The following ZMYND8 variants were observed in gnomAD, a reference collection of about 807,000 sequenced individuals.
ZMYND8 encodes MYND-type zinc finger-containing chromatin reader ZMYND8.
ZMYND8 carries 37 observed loss-of-function variants against 140.8 expected under a neutral mutation model. That is an observed-to-expected ratio of 0.26 (90% CI 0.20 to 0.35). ZMYND8 has a LOEUF of 0.35. Ranked by LOEUF, ZMYND8 falls within the 10% of genes least tolerant of loss-of-function variation. The probability of loss-of-function intolerance (pLI) is 1.00; values close to 1 mark genes in which losing one functional copy is unlikely to be tolerated. For missense variants in ZMYND8, 1,068 were observed against 1,570.0 expected (o/e 0.68, Z 5.40); for synonymous variants, 592 against 597.1 (o/e 0.99, Z 0.12).
At chr20:47,239,633 A>G (rs971889099) in intron 14 of ZMYND8, among the ~76,000 whole-genome samples, 2 of 152,244 alleles carry the variant, frequency 1.3e-5, no homozygotes, top group African/African-American at 4.8e-5. Flanking sequence ...CAATGGCCAA[A>G]GCAGTAACAC....
intron 11 of ZMYND8, among the ~76,000 whole-genome samples, chr20:47,272,771 A>G (rs975784318): frequency 6.6e-6 from 1 of 152,214 alleles, no homozygotes. Context: ...GTTTTATGCA[A>G]TAACATTTCA....
At chr20:47,228,851 C>T (rs1214412699) in intron 17 of ZMYND8, among the ~76,000 whole-genome samples, 1 of 152,178 alleles carries the variant, frequency 6.6e-6, no homozygotes, top group Non-Finnish European at 1.5e-5. Context: ...ACCTGATAAC[C>T]CGTTTGCATC....
chr20:47,286,027 C>CA (rs1049423800), intron 8 of ZMYND8, among the ~76,000 whole-genome samples: 70 of 151,182 alleles, frequency 4.6e-4, no homozygotes, highest in Non-Finnish European at 7.2e-4. Context: ...CCCATTTCTA[C>CA]AAAAAAAATA....
intron 2 of ZMYND8, among the ~76,000 whole-genome samples, chr20:47,321,856 C>CTTTTTTTTTT (rs60425976): frequency 8.1e-6 from 1 of 123,480 alleles, no homozygotes; most frequent in African/African-American, 3.3e-5. Context: ...ACTCGCCGCC[C>CTTTTTTTTTT]TTTTTTTTTT....
chr20:47,274,274 TAGGAA>T (rs1465047641), intron 11 of ZMYND8, among the ~76,000 whole-genome samples: 1 of 152,188 alleles, frequency 6.6e-6, no homozygotes, highest in Non-Finnish European at 1.5e-5. Context: ...TCACATATAT[TAGGAA>T]AAGCCACAAC....
chr20:47,246,620 C>T, intron 13 of ZMYND8, 103 bp from the exon 14 acceptor site: 1 of 1,460,200 alleles, frequency 6.8e-7, no homozygotes, highest in Non-Finnish European at 9.0e-7. Flanking sequence ...ATAAGAAAAG[C>T]ACGTTTCAAA....
intron 22 of ZMYND8, among the ~76,000 whole-genome samples, chr20:47,211,338 GTATAGGCAAC>G (rs2035228079): frequency 6.6e-6 from 1 of 152,130 alleles, no homozygotes; most frequent in Admixed American, 6.5e-5. Flanking sequence ...TTTTATCAAT[GTATAGGCAAC>G]TTGAAAAATG....
chr20:47,276,290 C>A, intron 11 of ZMYND8, 24 bp downstream of exon 11: 1 of 1,503,132 alleles, frequency 6.7e-7, no homozygotes, highest in South Asian at 1.3e-5. Flanking sequence ...GGGCCTCCTC[C>A]CCGCTCCCCC....
rs530350518 is a variant in ZMYND8 at position 47,335,931 on chromosome 20, T to C, written c.85+11925A>G. Among the ~76,000 whole-genome samples, 3 of 152,306 alleles carry C rather than the reference T, an allele frequency of 2.0e-5. No individual in the cohort carries two copies. In the South Asian group the frequency reaches 6.2e-4, roughly 32 times the overall value. On this transcript the variant is annotated intron_variant, in intron 2 of 22. Transcript: ENST00000471951. Reference sequence around the variant, plus strand: ...ATCTGGTAGTCATCTAACTCACAAATAAATTCTTTCCACTGCACAGTACAC... The same window carrying C: ...ATCTGGTAGTCATCTAACTCACAAACAAATTCTTTCCACTGCACAGTACAC...
chr20:47,275,006 A>G (rs2076173782), intron 11 of ZMYND8, among the ~76,000 whole-genome samples: 1 of 151,866 alleles, frequency 6.6e-6, no homozygotes, highest in Non-Finnish European at 1.5e-5. Context: ...AGAGGGAGGG[A>G]GAGAGAGAGA....
chr20:47,287,527 TCCCTAG>T (rs1001471470), intron 7 of ZMYND8, among the ~76,000 whole-genome samples: 37 of 152,166 alleles, frequency 2.4e-4, no homozygotes, highest in African/African-American at 8.4e-4. Flanking sequence ...TATGTGGGTT[TCCCTAG>T]AGATCATGGA....
intron 10 of ZMYND8, among the ~76,000 whole-genome samples, chr20:47,278,537 T>C (rs1177304981): frequency 2.0e-5 from 3 of 151,956 alleles, no homozygotes; most frequent in Admixed American, 1.3e-4. Context: ...ACAGTTGGCA[T>C]CTAAGAGAAA....
In ZMYND8 at chr20:47,287,291, G is replaced by A; in HGVS notation, c.749-7C>T. The A allele has an allele frequency of 6.2e-7, 1 of 1,611,728 alleles. No individual in the cohort carries two copies. The highest frequency in any genetic ancestry group is 8.5e-7 in the Non-Finnish European group (1 of 1,177,880). On this transcript the variant is annotated splice_region_variant and splice_polypyrimidine_tract_variant and intron_variant, in intron 7 of 22. Transcript: ENST00000471951. Reference sequence around the variant, plus strand: ...TGCGTCAATTTGTGATTTCCTAAGGGAATAAGAAAACAGGATTAATTCTAA... The same window carrying A: ...TGCGTCAATTTGTGATTTCCTAAGGAAATAAGAAAACAGGATTAATTCTAA...
intron 11 of ZMYND8, among the ~76,000 whole-genome samples, chr20:47,269,630 G>A (rs900653524): frequency 5.9e-5 from 9 of 152,312 alleles, no homozygotes; most frequent in African/African-American, 2.2e-4. Context: ...CAAAATCCTG[G>A]CCTGCGTGAA....
At chr20:47,229,300 T>C (rs978158225) in intron 17 of ZMYND8, among the ~76,000 whole-genome samples, 8 of 152,062 alleles carry the variant, frequency 5.3e-5, no homozygotes, top group South Asian at 4.1e-4. Flanking sequence ...GCACAGCCAA[T>C]GAAATGTCTT....
intron 8 of ZMYND8, among the ~76,000 whole-genome samples, chr20:47,284,199 A>T (rs2076782359): frequency 6.6e-6 from 1 of 152,204 alleles, no homozygotes; most frequent in South Asian, 2.1e-4. Flanking sequence ...CTAGGATTAC[A>T]GGTGTGAGCC....
At chr20:47,329,466 G>A (rs1318804655) in intron 2 of ZMYND8, among the ~76,000 whole-genome samples, 2 of 151,982 alleles carry the variant, frequency 1.3e-5, no homozygotes, top group Non-Finnish European at 2.9e-5. Flanking sequence ...GTGCAATGGC[G>A]TGATCTCAGC....
chr20:47,355,964 G>T (rs990677633), intron 1 of ZMYND8, among the ~76,000 whole-genome samples: 3 of 151,866 alleles, frequency 2.0e-5, no homozygotes, highest in Non-Finnish European at 4.4e-5. Context: ...CAGGAAAACA[G>T]GCTGAACAAT....
chr20:47,308,496 C>T (rs1001730583), intron 3 of ZMYND8, among the ~76,000 whole-genome samples: 3 of 152,170 alleles, frequency 2.0e-5, no homozygotes, highest in Non-Finnish European at 4.4e-5. Flanking sequence ...GCTGGGATTA[C>T]AGGCATGAGC....
Sources: allele counts gnomAD v4.1 joint callset (sites outside exome capture counted in the v4.1 genomes callset), GRCh38; gene constraint gnomAD v4.1.1; transcripts MANE v1.5; gene names NCBI Gene and HGNC (gene_info 2026-07-23, HGNC 2026-07-21).